The following FBXW7 variants were observed in gnomAD, a reference collection of about 807,000 sequenced individuals.
FBXW7 encodes the protein F-box and WD repeat domain containing 7, also known as F-box/WD repeat-containing protein 7.
FBXW7 carries 11 observed loss-of-function variants against 86.3 expected under a neutral mutation model. That is an observed-to-expected ratio of 0.13 (90% confidence interval 0.08 to 0.21). The LOEUF (loss-of-function observed/expected upper bound fraction) is 0.21. Among genes scored for constraint, FBXW7 ranks in the 10% least tolerant of loss-of-function variants. The pLI is 1.00. For missense variants in FBXW7, 488 were observed against 847.4 expected, an observed-to-expected ratio of 0.58 and a Z score of 5.27; for synonymous variants, 313 against 297.9, an observed-to-expected ratio of 1.05 and a Z score of -0.52.
chr4:152,521,391 C>CATG (rs1201620539), intron 2 of FBXW7, among the ~76,000 whole-genome samples: 2 of 152,030 alleles, frequency 1.3e-5, no homozygotes, highest in Non-Finnish European at 2.9e-5. Flanking sequence ...GGTGTAGAGA[C>CATG]AAATATACAT....
intron 4 of FBXW7, among the ~76,000 whole-genome samples, chr4:152,358,405 T>C (rs532359748): frequency 2.2e-4 from 33 of 152,216 alleles, no homozygotes; most frequent in African/African-American, 7.7e-4. Context: ...ATAGGTGTGA[T>C]ATATTAATCT....
At chr4:152,527,201 TAATA>T (rs1749592947) in intron 2 of FBXW7, among the ~76,000 whole-genome samples, 1 of 152,218 alleles carries the variant, frequency 6.6e-6, no homozygotes, top group Non-Finnish European at 1.5e-5. Flanking sequence ...ATTAAAAGGA[TAATA>T]AATAGCTTGT....
At chr4:152,532,303 C>T (rs1054972566) in intron 2 of FBXW7, among the ~76,000 whole-genome samples, 4 of 152,130 alleles carry the variant, frequency 2.6e-5, no homozygotes, top group African/African-American at 9.7e-5. Context: ...TCTGTATAGC[C>T]CTGGATAGCC....
At chr4:152,503,122 C>A (rs1747105886) in intron 2 of FBXW7, among the ~76,000 whole-genome samples, 2 of 152,120 alleles carry the variant, frequency 1.3e-5, no homozygotes, top group African/African-American at 4.8e-5. Flanking sequence ...AAAATAGATA[C>A]TTTACAACAC....
chr4:152,513,665 C>A (rs184161175), intron 2 of FBXW7, among the ~76,000 whole-genome samples: 2 of 152,202 alleles, frequency 1.3e-5, no homozygotes, highest in African/African-American at 4.8e-5. Flanking sequence ...TGTCTTTTAC[C>A]CAGACTTTTC....
intron 2 of FBXW7, among the ~76,000 whole-genome samples, chr4:152,438,728 G>A (rs1441308854): frequency 2.0e-5 from 3 of 151,982 alleles, no homozygotes; most frequent in Non-Finnish European, 4.4e-5. Context: ...GTAAAGTAAG[G>A]GACAAATGGT....
chr4:152,333,242 T>C (rs1221621223), intron 7 of FBXW7, among the ~76,000 whole-genome samples: 1 of 152,086 alleles, frequency 6.6e-6, no homozygotes, highest in East Asian at 1.9e-4. Context: ...CTTACATCCT[T>C]GACTGTAAAT....
In FBXW7 at chr4:152,415,853, T is replaced by G. The variant is rs573995898; in HGVS notation, c.-119-3324A>C. 6.6e-5 allele frequency among the ~76,000 whole-genome samples: 10 copies of G among 152,246 alleles called. No homozygotes were observed. The South Asian group carries it at 1.4e-3, about 22-fold the overall frequency. ...TATTCCTCTTTTTATTTCTTTTACT[T>G]CCTTCATAGAGGACTCTGTTCAAAT... On this transcript the variant is annotated intron_variant, in intron 2 of 13. Coordinates refer to ENST00000281708, the MANE Select transcript of FBXW7 (RefSeq NM_001349798.2).
intron 12 of FBXW7, 94 bp downstream of exon 12, chr4:152,325,908 TGGAC>T: frequency 4.5e-6 from 4 of 892,500 alleles, no homozygotes; most frequent in South Asian, 3.6e-5. Flanking sequence ...TAATCTTTTT[TGGAC>T]TGTACTGGAT....
At chr4:152,348,085 T>G (rs1232235298) in intron 5 of FBXW7, among the ~76,000 whole-genome samples, 3 of 152,080 alleles carry the variant, frequency 2.0e-5, no homozygotes, top group African/African-American at 7.2e-5. Flanking sequence ...CACTTACAAA[T>G]TGCATCGTAA....
chr4:152,481,278 T>C (rs750124753), intron 2 of FBXW7, among the ~76,000 whole-genome samples: 2 of 152,174 alleles, frequency 1.3e-5, no homozygotes, highest in Non-Finnish European at 2.9e-5. Flanking sequence ...ACAACATGGT[T>C]TGCCGAATAT....
intron 2 of FBXW7, among the ~76,000 whole-genome samples, chr4:152,495,410 C>T (rs1746237374): frequency 6.6e-6 from 1 of 152,106 alleles, no homozygotes; most frequent in Admixed American, 6.5e-5. Context: ...CACTCCACTT[C>T]AGCCTGGGCA....
intron 2 of FBXW7, among the ~76,000 whole-genome samples, chr4:152,463,589 G>T (rs1321569177): frequency 6.6e-6 from 1 of 152,158 alleles, no homozygotes; most frequent in African/African-American, 2.4e-5. Flanking sequence ...AGACAGATAA[G>T]GAGTTAGTTC....
intron 7 of FBXW7, among the ~76,000 whole-genome samples, chr4:152,337,341 G>A (rs1006416694): frequency 1.3e-5 from 2 of 151,776 alleles, no homozygotes; most frequent in African/African-American, 4.8e-5. Flanking sequence ...AAGTACCAGA[G>A]AACTAGAATT....
intron 4 of FBXW7, among the ~76,000 whole-genome samples, chr4:152,383,535 A>T (rs1735272828): frequency 6.6e-6 from 1 of 152,176 alleles, no homozygotes; most frequent in African/African-American, 2.4e-5. Flanking sequence ...ATCCATTCAC[A>T]GTGCTCAATC....
chr4:152,461,715 CA>C (rs1291765051), intron 2 of FBXW7, among the ~76,000 whole-genome samples: 1 of 152,314 alleles, frequency 6.6e-6, no homozygotes, highest in Admixed American at 6.5e-5. Flanking sequence ...TGAAAATACA[CA>C]TTGTAAATAG....
chr4:152,427,249 A>C (rs1739467211), intron 2 of FBXW7, among the ~76,000 whole-genome samples: 1 of 152,244 alleles, frequency 6.6e-6, no homozygotes, highest in African/African-American at 2.4e-5. Context: ...AAGAAATGCA[A>C]CATGTTACTC....
At chr4:152,326,265 CA>C in intron 11 of FBXW7, 34 bp from the exon 12 acceptor site, 2 of 1,493,824 alleles carry the variant, frequency 1.3e-6, no homozygotes, top group Non-Finnish European at 9.1e-7. Flanking sequence ...CAAAACAAAA[CA>C]AAAAAACCCA....
chr4:152,358,571 T>C (rs1044866691), intron 4 of FBXW7, among the ~76,000 whole-genome samples: 40 of 150,836 alleles, frequency 2.7e-4, no homozygotes, highest in African/African-American at 9.5e-4. Flanking sequence ...CAGGAAGCCA[T>C]AGAGTGATTT....
Sources: allele counts gnomAD v4.1 joint callset (sites outside exome capture counted in the v4.1 genomes callset), GRCh38; gene constraint gnomAD v4.1.1; transcripts MANE v1.5; gene names NCBI Gene and HGNC (gene_info 2026-07-23, HGNC 2026-07-21).